Variants in GALNT9 observed in about 807,000 individuals in gnomAD.
The protein encoded by GALNT9 is polypeptide N-acetylgalactosaminyltransferase 9.
A neutral mutation model predicts 63.1 loss-of-function variants in GALNT9; 47 were observed. The observed-to-expected ratio is 0.75, with a 90% CI of 0.59 to 0.95. The LOEUF (loss-of-function observed/expected upper bound fraction) is 0.95, where lower values mean the gene tolerates loss of function less well. GALNT9 is among the 40% of genes least tolerant of loss of function. GALNT9 has a pLI of 0.00. For synonymous variants in GALNT9, 396 were observed against 365.7 expected, an observed-to-expected ratio of 1.08 and a Z score of -0.94; for missense variants, 829 against 874.8, an observed-to-expected ratio of 0.95 and a Z score of 0.66.
chr12:132,291,451 T>C (rs1315441408), intron 1 of GALNT9, among the ~76,000 whole-genome samples: 222 of 13,562 alleles, frequency 0.016, no homozygotes, highest in Middle Eastern at 0.071. Context: ...CACGTCCACA[T>C]CACCCACATC....
chr12:132,327,580 G>A lies in GALNT9; in HGVS notation c.238+1386C>T, dbSNP rs1441288222. Among the ~76,000 whole-genome samples, 3 of 152,172 alleles carry A rather than the reference G, an allele frequency of 2.0e-5. No individual in the cohort carries two copies. Among genetic ancestry groups the A allele is most frequent in the African/African-American group, 4.8e-5 (2 of 41,444 alleles). ...GCCATGTGCTATTGCCGGGCACACC[G>A]CCTTCCGGGAGATGAATTGCTCTGC... On this transcript the variant is annotated intron_variant, in intron 1 of 10. Coordinates refer to ENST00000328957, the MANE Select transcript of GALNT9 (RefSeq NM_001122636.2). This position sits in a 1 kb window ranked among gnomAD's most constrained non-coding sequence, Gnocchi z 4.3.
intron 6 of GALNT9, among the ~76,000 whole-genome samples, chr12:132,230,066 C>A (rs917488967): frequency 6.6e-6 from 1 of 152,194 alleles, no homozygotes; most frequent in Non-Finnish European, 1.5e-5. Flanking sequence ...CATCAACAGT[C>A]GCCACCGGGT....
intron 6 of GALNT9, among the ~76,000 whole-genome samples, chr12:132,204,638 A>G (rs898452224): frequency 4.0e-5 from 6 of 151,898 alleles, no homozygotes. Context: ...CGGGTGAGTC[A>G]ATTCCTTAGA....
chr12:132,258,330 C>T (rs1415211898), intron 4 of GALNT9, among the ~76,000 whole-genome samples: 1 of 152,198 alleles, frequency 6.6e-6, no homozygotes, highest in Non-Finnish European at 1.5e-5. Flanking sequence ...TACTATGTGC[C>T]ACGCCCTGTT....
intron 1 of GALNT9, 122 bp downstream of exon 1, chr12:132,328,844 T>C (rs1869156560): frequency 1.6e-6 from 2 of 1,219,800 alleles, no homozygotes. Context: ...CTCTCTCCTG[T>C]ATATTCCCTC....
At chr12:132,308,170 C>T (rs570429781) in intron 1 of GALNT9, among the ~76,000 whole-genome samples, 1 of 152,334 alleles carries the variant, frequency 6.6e-6, no homozygotes, top group African/African-American at 2.4e-5. Context: ...GCCTGGAGCC[C>T]CAGGAGCTGG....
rs368118153 is a variant in GALNT9 at position 132,261,047 on chromosome 12, C to T, written c.662G>A (p.Arg221Gln). 2.4e-5 allele frequency: 37 copies of T among 1,551,302 alleles called. No homozygotes were observed. Among genetic ancestry groups the T allele is most frequent in the African/African-American group, 6.8e-5 (5 of 73,052 alleles). ...PGLVKIVRNS[R>Q]REGLIRARLQ... The stretch of plus-strand genomic sequence containing the variant: ...CCGCGCGCGGATCAGTCCTTCCCGC[C>T]GGCTGTTGCGGACAATCTTCACGAG... Residue 221 changes from arginine (R) to glutamine (Q), a missense_variant, in exon 4 of 11, where the codon CGG becomes CAG. Coordinates refer to ENST00000328957, the MANE Select transcript of GALNT9 (RefSeq NM_001122636.2).
At chr12:132,295,014 C>A (rs537570406) in intron 1 of GALNT9, among the ~76,000 whole-genome samples, 1 of 152,222 alleles carries the variant, frequency 6.6e-6, no homozygotes. Flanking sequence ...AGTGTGGAGA[C>A]GCCCGGCCTG....
In GALNT9 at chr12:132,244,947, G is replaced by A. The variant is rs549167691; in HGVS notation, c.1077+2963C>T. On this transcript the variant is annotated intron_variant, in intron 6 of 10. Coordinates refer to ENST00000328957, the MANE Select transcript of GALNT9 (RefSeq NM_001122636.2). ...TGACCGCCAGACAGGACACCAAGGT[G>A]AAAACTTTCAAGCCCCCAGGACGGG... is the stretch of plus-strand genomic sequence containing the variant. 9.3e-5 allele frequency among the ~76,000 whole-genome samples: 14 copies of A among 151,150 alleles called. No individual in the cohort carries two copies. In the East Asian group the frequency reaches 1.8e-3, roughly 19 times the overall value.
At chr12:132,226,717 A>T (rs1176828507) in intron 6 of GALNT9, among the ~76,000 whole-genome samples, 1 of 139,140 alleles carries the variant, frequency 7.2e-6, no homozygotes, top group African/African-American at 2.7e-5. Context: ...GTACATACAC[A>T]CCAAATACAC....
chr12:132,223,202 A>G (rs1377688143), intron 6 of GALNT9, among the ~76,000 whole-genome samples: 1 of 68,774 alleles, frequency 1.5e-5, no homozygotes, highest in Admixed American at 1.5e-4. Flanking sequence ...CCCCACATAC[A>G]CCCTACACAA....
chr12:132,284,869 G>A (rs1880528600), intron 2 of GALNT9, among the ~76,000 whole-genome samples: 1 of 152,202 alleles, frequency 6.6e-6, no homozygotes, highest in East Asian at 1.9e-4. Flanking sequence ...CGCAGCCCGG[G>A]GCGCTCCCTG....
chr12:132,243,412 C>G (rs1555237655), intron 6 of GALNT9, among the ~76,000 whole-genome samples: 1 of 152,144 alleles, frequency 6.6e-6, no homozygotes, highest in Non-Finnish European at 1.5e-5. Context: ...GTGGGGGCCC[C>G]AGTCCTCCTC....
Position 132,252,516 on chromosome 12 carries a change from GA to G in GALNT9, c.960-4490del, listed in dbSNP as rs1427802239. On this transcript the variant is annotated intron_variant, in intron 5 of 10. Coordinates refer to ENST00000328957, the MANE Select transcript of GALNT9 (RefSeq NM_001122636.2). This position sits in a 1 kb window ranked among gnomAD's most constrained non-coding sequence, Gnocchi z 5.2. ...CGTGTGCAGAGACAAGAGATTGTCA[GA>G]AATAAAGACACAAGACAAAGAGATA... is the stretch of plus-strand genomic sequence containing the variant. 3.3e-5 allele frequency among the ~76,000 whole-genome samples: 5 copies of G among 152,224 alleles called. No homozygotes were observed. Among genetic ancestry groups the G allele is most frequent in the Non-Finnish European group, 2.9e-5 (2 of 68,050 alleles).
At chr12:132,261,523 CA>C in intron 3 of GALNT9, among the ~76,000 whole-genome samples, 1 of 152,236 alleles carries the variant, frequency 6.6e-6, no homozygotes. Flanking sequence ...GGGCAAGACA[CA>C]GGTAGCCGAG....
At position 132,257,077 on chromosome 12, in the gene GALNT9, G is replaced by A. The variant is rs531323600; in HGVS notation, c.959+612C>T. Among the ~76,000 whole-genome samples, 8 of 152,312 alleles carry A rather than the reference G, an allele frequency of 5.3e-5. No individual in the cohort carries two copies. The East Asian group carries it at 1.2e-3, about 22-fold the overall frequency. On this transcript the variant is annotated intron_variant, in intron 5 of 10. Coordinates refer to ENST00000328957, the MANE Select transcript of GALNT9 (RefSeq NM_001122636.2). ...ATGCCTTGAAGACTTGATGGGGCCA[G>A]TGAGCCTGCTCCTGCCACAGCTCAG... is the stretch of plus-strand genomic sequence containing the variant.
intron 5 of GALNT9, among the ~76,000 whole-genome samples, chr12:132,251,566 T>A (rs1878916967): frequency 6.6e-6 from 1 of 152,072 alleles, no homozygotes; most frequent in Non-Finnish European, 1.5e-5. Context: ...CACACCGCCC[T>A]CCCAGGTCCT....
chr12:132,204,835 A>G (rs113745702), intron 6 of GALNT9, among the ~76,000 whole-genome samples: 43 of 152,060 alleles, frequency 2.8e-4, no homozygotes, highest in African/African-American at 8.4e-4. Context: ...GGTCTGATCC[A>G]CGTGGCCCAA....
chr12:132,304,997 C>T (rs1447646151), intron 1 of GALNT9, among the ~76,000 whole-genome samples: 1 of 37,350 alleles, frequency 2.7e-5, no homozygotes, highest in African/African-American at 1.2e-4. Flanking sequence ...ACACCCTCAC[C>T]CGGGCACATC....
Sources: gnomAD v4.1 joint callset for allele counts (sites outside exome capture counted in the v4.1 genomes callset) on GRCh38, gnomAD v4.1.1 for gene constraint, Gnocchi (gnomAD v3.1) non-coding constraint, MANE v1.5 for transcripts, NCBI Gene and HGNC (gene_info 2026-07-23, HGNC 2026-07-21) for gene names.